The following PCDH15 variants were observed in gnomAD, a reference collection of about 807,000 sequenced individuals.
PCDH15 encodes the protein protocadherin-15.
A neutral mutation model predicts 178.5 loss-of-function variants in PCDH15; 129 were observed. The ratio of observed to expected loss-of-function variants is 0.72; its 90% CI spans 0.63 to 0.84. The LOEUF is 0.84. Among genes scored for constraint, PCDH15 ranks in the 40% least tolerant of loss-of-function variants. The pLI, the probability that PCDH15 is intolerant of heterozygous loss-of-function variation, is 0.00. For synonymous variants in PCDH15, 800 were observed against 732.0 expected, an observed-to-expected ratio of 1.09 and a Z score of -1.50; for missense variants, 2,230 against 2,099.9, an observed-to-expected ratio of 1.06 and a Z score of -1.21.
At chr10:55,543,968 G>T (rs1284827561) in intron 2 of PCDH15, among the ~76,000 whole-genome samples, 7 of 150,350 alleles carry the variant, frequency 4.7e-5, no homozygotes, top group African/African-American at 1.7e-4. Flanking sequence ...ATTTGTTTGA[G>T]AATTTAGATA....
intron 3 of PCDH15, among the ~76,000 whole-genome samples, chr10:54,412,706 G>A (rs550325547): frequency 6.6e-6 from 1 of 152,192 alleles, no homozygotes; most frequent in Admixed American, 6.5e-5. Context: ...ACATTACCTT[G>A]TTGCATTGTT....
chr10:55,206,513 T>A lies in PCDH15; in HGVS notation c.-155-39862A>T, dbSNP rs75705136. 4.8e-3 allele frequency among the ~76,000 whole-genome samples: 737 copies of A among 152,160 alleles called. 13 individuals are homozygous for A. The highest frequency in any genetic ancestry group is 0.017 in the African/African-American group (699 of 41,454). On this transcript the variant is annotated intron_variant, in intron 1 of 5. Transcript: ENST00000458638. ...TCTTTAGTTAGTTACTTAACTTGAG[T>A]TTCAGTGCAGGCTTGGGACTAAAGT... is the stretch of plus-strand genomic sequence containing the variant.
chr10:53,807,559 AT>A (rs1841274552), intron 37 of PCDH15, among the ~76,000 whole-genome samples: 2 of 152,180 alleles, frequency 1.3e-5, no homozygotes, highest in African/African-American at 4.8e-5. Flanking sequence ...TATTTAAAAA[AT>A]ATTTTTAAAC....
rs918493168 is a variant in PCDH15, at chr10:54,322,587, T to C, written c.706-5146A>G. ...GTTCCAAGATCGAATCAGGAAACTA[T>C]TGAAACCCTGAACAGATGAATATTA... On this transcript the variant is annotated intron_variant, in intron 7 of 37. Coordinates refer to ENST00000644397, the MANE Select transcript of PCDH15 (RefSeq NM_001384140.1). 3.9e-5 allele frequency among the ~76,000 whole-genome samples: 6 copies of C among 152,000 alleles called. No homozygotes were observed. The East Asian group carries it at 9.7e-4, about 24-fold the overall frequency.
chr10:54,713,565 T>C (rs1020837202), intron 1 of PCDH15, among the ~76,000 whole-genome samples: 5 of 152,080 alleles, frequency 3.3e-5, no homozygotes, highest in African/African-American at 1.2e-4. Context: ...CCACAGATCA[T>C]GGAAGATTTT....
chr10:55,201,800 T>C lies in PCDH15; in HGVS notation c.-155-35149A>G, dbSNP rs141623364. Reference sequence around the variant, plus strand: ...TGACTTCTAAGCTTTTTTGGTGGAATACTGCTTTTTCTTTTTTAAATGAAA... The same window carrying C: ...TGACTTCTAAGCTTTTTTGGTGGAACACTGCTTTTTCTTTTTTAAATGAAA... On this transcript the variant is annotated intron_variant, in intron 1 of 5. Transcript: ENST00000458638. 3.6e-3 allele frequency among the ~76,000 whole-genome samples: 553 copies of C among 152,308 alleles called. 6 individuals carry two copies. The highest frequency in any genetic ancestry group is 0.019 in the South Asian group (94 of 4,832).
intron 32 of PCDH15, chr10:53,821,441 T>C (rs1433605632): frequency 3.2e-5 from 32 of 1,013,978 alleles, no homozygotes; most frequent in Non-Finnish European, 3.7e-5. Context: ...ATATCAGTTT[T>C]AACTTATTTG....
intron 32 of PCDH15, among the ~76,000 whole-genome samples, chr10:53,824,193 G>A (rs1029694905): frequency 1.3e-5 from 2 of 151,910 alleles, no homozygotes; most frequent in Admixed American, 6.6e-5. Context: ...ACTTATGCAC[G>A]GAAACTGAAT....
At chr10:55,212,755 G>A (rs1010530772) in intron 1 of PCDH15, among the ~76,000 whole-genome samples, 1 of 151,990 alleles carries the variant, frequency 6.6e-6, no homozygotes, top group Non-Finnish European at 1.5e-5. Flanking sequence ...TCAACAACAG[G>A]TTAAGAAATA....
chr10:53,935,762 T>C (rs1197836927), intron 25 of PCDH15, among the ~76,000 whole-genome samples: 1 of 152,154 alleles, frequency 6.6e-6, no homozygotes, highest in Non-Finnish European at 1.5e-5. Context: ...TAAAGTTTTT[T>C]TTTCTTGTTT....
At chr10:55,049,956 G>C (rs944263142) in intron 2 of PCDH15, among the ~76,000 whole-genome samples, 5 of 151,874 alleles carry the variant, frequency 3.3e-5, no homozygotes, top group Non-Finnish European at 5.9e-5. Context: ...TTTTTAATTG[G>C]AAATTTCAAT....
intron 9 of PCDH15, 62 bp downstream of exon 9, chr10:54,236,761 G>C (rs2054664409): frequency 7.8e-6 from 10 of 1,288,648 alleles, no homozygotes; most frequent in Non-Finnish European, 1.1e-5. Context: ...TTGGAATTGA[G>C]AGAATTTGTT....
chr10:55,472,826 C>A (rs957502582), intron 2 of PCDH15, among the ~76,000 whole-genome samples: 3 of 152,182 alleles, frequency 2.0e-5, no homozygotes, highest in Non-Finnish European at 4.4e-5. Context: ...ACTCGGCCTC[C>A]CAAAGTGCTG....
chr10:54,819,827 T>A (rs1340665169), intron 3 of PCDH15, among the ~76,000 whole-genome samples: 3 of 152,034 alleles, frequency 2.0e-5, no homozygotes, highest in African/African-American at 7.2e-5. Context: ...ATCATGTAGA[T>A]CATGACTAGA....
At chr10:55,152,515 A>G (rs990284105) in intron 2 of PCDH15, among the ~76,000 whole-genome samples, 5 of 152,190 alleles carry the variant, frequency 3.3e-5, no homozygotes, top group African/African-American at 1.2e-4. Flanking sequence ...GAGGTCATAG[A>G]GCAGATAAAT....
intron 2 of PCDH15, among the ~76,000 whole-genome samples, chr10:54,914,380 G>A (rs756806577): frequency 1.3e-5 from 2 of 152,114 alleles, no homozygotes; most frequent in Admixed American, 1.3e-4. Context: ...CTTCTGCAAT[G>A]ATTGTAAGTT....
chr10:55,177,574 C>T (rs571560685), intron 1 of PCDH15, among the ~76,000 whole-genome samples: 4 of 152,274 alleles, frequency 2.6e-5, no homozygotes, highest in East Asian at 3.9e-4. Context: ...ACTAAGTTAA[C>T]GATGGGGAAT....
Position 53,938,829 on chromosome 10 carries a change from C to A in PCDH15, c.3359G>T (p.Arg1120Leu). 1 of 1,613,220 alleles carries A rather than the reference C, an allele frequency of 6.2e-7. No homozygotes were observed. Among genetic ancestry groups the A allele is most frequent in the African/African-American group, 1.3e-5 (1 of 75,004 alleles). Reference protein sequence around the residue: ...DSLEVVLANLRVPSKSNTAKV... With the variant: ...DSLEVVLANLLVPSKSNTAKV... ...GTATAACTTACTTTTTGAAGGAACT[C>A]GGAGATTGGCAAGGACCACTTCCAG... Residue 1120 changes from arginine to leucine, a missense_variant, in exon 25 of 38, where the codon CGA (arginine) becomes CTA (leucine). Arg to Leu is a moderately radical substitution (Grantham distance 102). Transcript: ENST00000644397.
chr10:55,277,348 T>C (rs1318715940), intron 1 of PCDH15, among the ~76,000 whole-genome samples: 1 of 152,056 alleles, frequency 6.6e-6, no homozygotes, highest in Non-Finnish European at 1.5e-5. Flanking sequence ...CCCTTAAAAA[T>C]AACCCTGTGA....
Sources: allele counts gnomAD v4.1 joint callset (sites outside exome capture counted in the v4.1 genomes callset), GRCh38; gene constraint gnomAD v4.1.1; transcripts MANE v1.5; gene names NCBI Gene and HGNC (gene_info 2026-07-23, HGNC 2026-07-21).